The following IMMP2L variants were observed in gnomAD, a reference collection of about 807,000 sequenced individuals.
IMMP2L encodes inner mitochondrial membrane peptidase subunit 2, also known as mitochondrial inner membrane protease subunit 2.
IMMP2L carries 18 observed loss-of-function variants against 19.3 expected under a neutral mutation model. The observed-to-expected ratio is 0.93, with a 90% CI of 0.64 to 1.38. The LOEUF (loss-of-function observed/expected upper bound fraction) is 1.38. Ranked by LOEUF, IMMP2L falls within the 40% of genes most tolerant of loss-of-function variation. IMMP2L has a pLI of 0.00. For missense variants in IMMP2L, 233 were observed against 218.2 expected, an observed-to-expected ratio of 1.07 and a Z score of -0.43; for synonymous variants, 76 against 73.0, an observed-to-expected ratio of 1.04 and a Z score of -0.21.
intron 5 of IMMP2L, among the ~76,000 whole-genome samples, chr7:110,733,229 C>A (rs760054451): frequency 1.2e-4 from 19 of 152,068 alleles, no homozygotes; most frequent in Non-Finnish European, 2.6e-4. Context: ...GGACTGGTCT[C>A]CTTCTATCTT....
At chr7:111,242,388 A>C (rs1815191535) in intron 3 of IMMP2L, among the ~76,000 whole-genome samples, 1 of 152,140 alleles carries the variant, frequency 6.6e-6, no homozygotes, top group Non-Finnish European at 1.5e-5. Flanking sequence ...TTTTGATTCA[A>C]CTAAACAATA....
intron 4 of IMMP2L, among the ~76,000 whole-genome samples, chr7:110,950,317 T>G (rs1294971361): frequency 6.6e-6 from 1 of 152,172 alleles, no homozygotes; most frequent in Non-Finnish European, 1.5e-5. Flanking sequence ...TTCATTGGTC[T>G]ATAGGTATGT....
chr7:111,060,453 A>G (rs923063169), intron 3 of IMMP2L, among the ~76,000 whole-genome samples: 1 of 152,242 alleles, frequency 6.6e-6, no homozygotes, highest in African/African-American at 2.4e-5. Context: ...ATGCCTGCAC[A>G]TAACCTTCGG....
chr7:111,328,508 G>A (rs1236088734), intron 3 of IMMP2L, among the ~76,000 whole-genome samples: 1 of 151,690 alleles, frequency 6.6e-6, no homozygotes, highest in African/African-American at 2.4e-5. Flanking sequence ...AAAGTTTGAA[G>A]AATATAAAGT....
intron 3 of IMMP2L, among the ~76,000 whole-genome samples, chr7:111,437,345 T>C (rs1024169942): frequency 1.3e-5 from 2 of 151,748 alleles, no homozygotes; most frequent in African/African-American, 4.9e-5. Flanking sequence ...CTCAGGAGGC[T>C]GAGGCAAGAG....
At chr7:110,981,168 CA>C (rs1476329967) in intron 3 of IMMP2L, among the ~76,000 whole-genome samples, 3 of 151,884 alleles carry the variant, frequency 2.0e-5, no homozygotes, top group East Asian at 1.9e-4. Context: ...GTGTGTTTGA[CA>C]AGGTGAAATT....
intron 5 of IMMP2L, among the ~76,000 whole-genome samples, chr7:110,884,383 C>A (rs1424085659): frequency 6.6e-6 from 1 of 151,902 alleles, no homozygotes; most frequent in Non-Finnish European, 1.5e-5. Flanking sequence ...ATGATATAAT[C>A]CAGTAAAATC....
chr7:110,881,037 A>G (rs1182705873), intron 5 of IMMP2L, among the ~76,000 whole-genome samples: 1 of 152,112 alleles, frequency 6.6e-6, no homozygotes, highest in Non-Finnish European at 1.5e-5. Flanking sequence ...CCACCATATT[A>G]TGTTTCCAAG....
intron 3 of IMMP2L, among the ~76,000 whole-genome samples, chr7:111,352,858 T>C (rs1479182249): frequency 1.3e-5 from 2 of 152,200 alleles, no homozygotes; most frequent in Non-Finnish European, 2.9e-5. Flanking sequence ...ATGTATTCCA[T>C]ACTACCATTC....
intron 3 of IMMP2L, among the ~76,000 whole-genome samples, chr7:111,288,091 G>A (rs908919696): frequency 1.1e-4 from 16 of 151,900 alleles, no homozygotes; most frequent in African/African-American, 2.4e-4. Flanking sequence ...GCTGGTTTTC[G>A]TTCTTACTGT....
chr7:110,751,151 C>T (rs1291505085), intron 5 of IMMP2L, among the ~76,000 whole-genome samples: 1 of 151,522 alleles, frequency 6.6e-6, no homozygotes, highest in African/African-American at 2.4e-5. Flanking sequence ...TCCACTTCGT[C>T]CCTCACTAAG....
chr7:111,292,741 T>G (rs1413316336), intron 3 of IMMP2L, among the ~76,000 whole-genome samples: 2 of 152,012 alleles, frequency 1.3e-5, no homozygotes, highest in Non-Finnish European at 2.9e-5. Flanking sequence ...ATATTGAACA[T>G]TTTTTGGAGA....
intron 1 of IMMP2L, among the ~76,000 whole-genome samples, chr7:111,524,961 G>A (rs539585487): frequency 3.9e-5 from 6 of 152,092 alleles, no homozygotes; most frequent in African/African-American, 1.2e-4. Flanking sequence ...ATTTACTAAC[G>A]GTCTTCCACA....
At chr7:110,942,836 A>G (rs1318781315) in intron 4 of IMMP2L, among the ~76,000 whole-genome samples, 1 of 152,038 alleles carries the variant, frequency 6.6e-6, no homozygotes, top group East Asian at 1.9e-4. Context: ...AGACTTTTCC[A>G]TATACTGCTA....
chr7:111,309,463 A>G (rs1236756341), intron 3 of IMMP2L, among the ~76,000 whole-genome samples: 1 of 152,196 alleles, frequency 6.6e-6, no homozygotes, highest in Non-Finnish European at 1.5e-5. Context: ...ATAAGGAACC[A>G]TTTAGTATAT....
chr7:111,114,731 T>A, intron 3 of IMMP2L, among the ~76,000 whole-genome samples: 1 of 122,864 alleles, frequency 8.1e-6, no homozygotes, highest in African/African-American at 3.4e-5. Flanking sequence ...CAGGCGAGAC[T>A]CCATCTCAAA....
intron 5 of IMMP2L, among the ~76,000 whole-genome samples, chr7:110,786,296 G>C (rs549903728): frequency 4.7e-4 from 71 of 152,004 alleles, no homozygotes; most frequent in African/African-American, 1.7e-3. Flanking sequence ...GTTGCCCTTT[G>C]ACACTCAGAG....
At chr7:111,441,443 C>T (rs1012510765) in intron 3 of IMMP2L, among the ~76,000 whole-genome samples, 3 of 151,698 alleles carry the variant, frequency 2.0e-5, no homozygotes, top group Non-Finnish European at 4.4e-5. Flanking sequence ...GATGGAGGAA[C>T]TGCAGGTCGG....
intron 1 of IMMP2L, among the ~76,000 whole-genome samples, chr7:111,540,100 T>A (rs1848384609): frequency 6.6e-6 from 1 of 152,160 alleles, no homozygotes; most frequent in Non-Finnish European, 1.5e-5. Context: ...TGTAAACAAA[T>A]ACCCACCTCA....
Sources: gnomAD v4.1 joint callset for allele counts (sites outside exome capture counted in the v4.1 genomes callset) on GRCh38, gnomAD v4.1.1 for gene constraint, MANE v1.5 for transcripts, NCBI Gene and HGNC (gene_info 2026-07-23, HGNC 2026-07-21) for gene names.